NEK1: variants seen among roughly 807,000 people sequenced by gnomAD.
NEK1 encodes the protein serine/threonine-protein kinase Nek1.
Under a neutral mutation model 182.1 loss-of-function variants are expected in NEK1, and 137 were observed. The ratio of observed to expected loss-of-function variants is 0.75; its 90% CI spans 0.65 to 0.87. NEK1 has a LOEUF of 0.87. NEK1 is among the 40% of genes least tolerant of loss of function. The pLI, the probability that NEK1 is intolerant of heterozygous loss-of-function variation, is 0.00. For missense variants in NEK1, 1,391 were observed against 1,494.4 expected, an observed-to-expected ratio of 0.93 and a Z score of 1.14; for synonymous variants, 513 against 492.2, an observed-to-expected ratio of 1.04 and a Z score of -0.56.
intron 18 of NEK1, among the ~76,000 whole-genome samples, chr4:169,547,464 T>A (rs1271463902): frequency 3.3e-5 from 5 of 152,162 alleles, no homozygotes; most frequent in African/African-American, 9.7e-5. Context: ...GGGTTGCTGA[T>A]CTCGAGGAGT....
intron 26 of NEK1, among the ~76,000 whole-genome samples, chr4:169,471,710 T>C (rs1163774264): frequency 6.6e-6 from 1 of 152,138 alleles, no homozygotes; most frequent in African/African-American, 2.4e-5. Context: ...TTAAGTCTGT[T>C]GAAGCTGTGC....
rs529534450 is a variant in NEK1, at chr4:169,448,393, A to G, written c.2588-10134T>C. ...TGTCATCAGTTTAAAATAGTGGGTT[A>G]TAAGATAGTATTTATACCTCATAGT... On this transcript the variant is annotated intron_variant, in intron 27 of 35. Transcript: ENST00000507142. Among the ~76,000 whole-genome samples the G allele has an allele frequency of 5.9e-5, 9 of 152,300 alleles. No individual in the cohort carries two copies. The East Asian group carries it at 1.7e-3, about 29-fold the overall frequency.
At chr4:169,501,038 A>T (rs1398907603) in intron 23 of NEK1, among the ~76,000 whole-genome samples, 1 of 152,206 alleles carries the variant, frequency 6.6e-6, no homozygotes, top group East Asian at 1.9e-4. Flanking sequence ...CACCCAAAGG[A>T]CTTGATGTAA....
chr4:169,409,926 G>A (rs1733372928), intron 31 of NEK1, among the ~76,000 whole-genome samples: 1 of 152,012 alleles, frequency 6.6e-6, no homozygotes, highest in Non-Finnish European at 1.5e-5. Context: ...GTCTATTAAT[G>A]CCCTTTGCTC....
intron 23 of NEK1, among the ~76,000 whole-genome samples, chr4:169,496,418 T>G (rs1256319791): frequency 6.6e-6 from 1 of 151,044 alleles, no homozygotes; most frequent in African/African-American, 2.5e-5. Flanking sequence ...CTGATTGCCC[T>G]GGCCAGAACT....
At chr4:169,602,184 A>G in intron 3 of NEK1, 80 bp from the exon 4 acceptor site, 1 of 956,860 alleles carries the variant, frequency 1.0e-6, no homozygotes, top group Admixed American at 1.7e-5. Flanking sequence ...TGAGTGGTTA[A>G]AACATAATAG....
intron 27 of NEK1, among the ~76,000 whole-genome samples, chr4:169,458,904 T>A (rs1168259313): frequency 6.6e-6 from 1 of 151,356 alleles, no homozygotes; most frequent in Non-Finnish European, 1.5e-5. Flanking sequence ...AGGTTGACTA[T>A]CTCTAATCCA....
intron 12 of NEK1, among the ~76,000 whole-genome samples, chr4:169,563,097 C>A (rs1370283927): frequency 6.6e-6 from 1 of 152,134 alleles, no homozygotes; most frequent in Non-Finnish European, 1.5e-5. Flanking sequence ...TGGTAGCTCA[C>A]ACCTGTAATC....
intron 19 of NEK1, among the ~76,000 whole-genome samples, chr4:169,522,155 T>C (rs934365900): frequency 6.6e-6 from 1 of 152,244 alleles, no homozygotes; most frequent in African/African-American, 2.4e-5. Context: ...ACTGTACTAC[T>C]GAGTCTAATC....
intron 11 of NEK1, among the ~76,000 whole-genome samples, chr4:169,579,299 C>T (rs1766217455): frequency 6.6e-6 from 1 of 152,172 alleles, no homozygotes; most frequent in Non-Finnish European, 1.5e-5. Flanking sequence ...TGGGTTTATC[C>T]ATGTGGAAAG....
intron 27 of NEK1, among the ~76,000 whole-genome samples, chr4:169,447,890 T>TA (rs1406590875): frequency 6.6e-6 from 1 of 151,564 alleles, no homozygotes; most frequent in Non-Finnish European, 1.5e-5. Flanking sequence ...TGAAATAAAA[T>TA]AAATAAACAT....
At chr4:169,514,568 A>G (rs1561330262) in intron 19 of NEK1, among the ~76,000 whole-genome samples, 2 of 152,216 alleles carry the variant, frequency 1.3e-5, no homozygotes, top group Non-Finnish European at 2.9e-5. Context: ...AAAATTTAAG[A>G]TATCTGTTTC....
At chr4:169,428,488 T>C (rs1273631225) in intron 29 of NEK1, among the ~76,000 whole-genome samples, 6 of 151,664 alleles carry the variant, frequency 4.0e-5, no homozygotes, top group Admixed American at 3.9e-4. Context: ...GGCTATATAC[T>C]ATATGATTCT....
intron 16 of NEK1, among the ~76,000 whole-genome samples, chr4:169,558,527 A>AC (rs1762464694): frequency 1.3e-5 from 2 of 152,234 alleles, no homozygotes; most frequent in East Asian, 3.8e-4. Flanking sequence ...AATCATAAAT[A>AC]TGTACTCTTT....
chr4:169,553,878 A>G (rs1761773035), intron 18 of NEK1, among the ~76,000 whole-genome samples: 1 of 152,210 alleles, frequency 6.6e-6, no homozygotes, highest in South Asian at 2.1e-4. Context: ...GGAATTCTTA[A>G]TCACTGCTGG....
chr4:169,429,358 T>C (rs1383382980), intron 29 of NEK1, among the ~76,000 whole-genome samples: 1 of 152,104 alleles, frequency 6.6e-6, no homozygotes, highest in Admixed American at 6.5e-5. Context: ...ATCTGAAGAG[T>C]AGATACCAAA....
rs867272494 is a variant in NEK1, at chr4:169,487,379, G to A, written c.2008-7845C>T. Among the ~76,000 whole-genome samples, 4 of 152,222 alleles carry A rather than the reference G, an allele frequency of 2.6e-5. 1 individual carries two copies. The South Asian group carries it at 6.2e-4, about 24-fold the overall frequency. On this transcript the variant is annotated intron_variant, in intron 23 of 35. Transcript: ENST00000507142. ...ACCAATGTGTTCATGTATTCTCATC[G>A]TTCAGCTCCCACTTATAAGTGATAC...
chr4:169,602,753 AAATTCT>A (rs1423231430), intron 2 of NEK1, 75 bp from the exon 3 acceptor site: 6 of 582,312 alleles, frequency 1.0e-5, no homozygotes, highest in African/African-American at 7.8e-5. Flanking sequence ...TGTTTAATTC[AAATTCT>A]AATTCTTTAG....
chr4:169,538,070 T>A (rs747507059), intron 18 of NEK1, among the ~76,000 whole-genome samples, 159 bp from the exon 19 acceptor site: 11 of 152,282 alleles, frequency 7.2e-5, no homozygotes, highest in Non-Finnish European at 1.5e-4. Context: ...TATTGACATC[T>A]ACTACCTAAA....
Sources: gnomAD v4.1 joint callset for allele counts (sites outside exome capture counted in the v4.1 genomes callset) on GRCh38, gnomAD v4.1.1 for gene constraint, MANE v1.5 for transcripts, NCBI Gene and HGNC (gene_info 2026-07-23, HGNC 2026-07-21) for gene names.